KIAA1614: variants seen among roughly 807,000 people sequenced by gnomAD.
The protein encoded by KIAA1614 is KIAA1614.
In KIAA1614, 76 loss-of-function variants were observed where a neutral mutation model predicts 88.7. The ratio of observed to expected loss-of-function variants is 0.86; its 90% CI spans 0.71 to 1.04. KIAA1614 has a LOEUF of 1.04. KIAA1614 is among the 50% of genes least tolerant of loss of function. The pLI is 0.00. For missense variants in KIAA1614, 1,553 were observed against 1,582.5 expected, an observed-to-expected ratio of 0.98 and a Z score of 0.32; for synonymous variants, 714 against 675.5, an observed-to-expected ratio of 1.06 and a Z score of -0.88.
chr1:180,938,470 C>T, intron 5 of KIAA1614, 85 bp from the exon 6 acceptor site: 2 of 1,446,462 alleles, frequency 1.4e-6, no homozygotes, highest in South Asian at 1.3e-5. Context: ...CTCACCCTCC[C>T]CCTGTTGCTG....
Position 180,913,098 on chromosome 1 carries a change from G to A in KIAA1614, c.-146G>A, listed in dbSNP as rs976679105. On this transcript the variant is annotated 5_prime_UTR_variant, in exon 1 of 9. Coordinates refer to ENST00000367588, the MANE Select transcript of KIAA1614 (RefSeq NM_020950.2). ...CTGGCCCGGCCTCGGCGCCGTCCCG[G>A]ACCCCCAGTCGGCCGCGCCCCGAGG... The A allele has an allele frequency of 2.0e-6, 1 of 491,004 alleles. No homozygotes were observed. The highest frequency in any genetic ancestry group is 2.0e-5 in the African/African-American group (1 of 49,376). The allele number at this position is 491,004 out of a possible 1,614,324, so 30.4% of individuals were successfully genotyped here.
chr1:180,935,485 G>A lies in KIAA1614; in HGVS notation c.1576G>A (p.Ala526Thr). Residue 526 changes from alanine to threonine, a missense_variant, in exon 5 of 9, where the codon GCA becomes ACA. By Grantham distance (58) the Ala-to-Thr change is moderately conservative (BLOSUM62 0). Transcript: ENST00000367588. The surrounding 1 kb of genome is among the most constrained non-coding windows in gnomAD (Gnocchi z 6.1). ...CAGCCTGGACCGCAGGGGACACCCGGCACCGCCGGCACCGGGCAGCGAGAG... is the reference window on the plus strand; with the variant it reads ...CAGCCTGGACCGCAGGGGACACCCGACACCGCCGGCACCGGGCAGCGAGAG... ...VGSLDRRGHPAPPAPGSERRC... is the reference protein window; with the variant it reads ...VGSLDRRGHPTPPAPGSERRC... 1.3e-6 allele frequency: 2 copies of A among 1,483,648 alleles called. No individual in the cohort carries two copies. The highest frequency in any genetic ancestry group is 1.8e-6 in the Non-Finnish European group (2 of 1,122,326). 91.9% of individuals were successfully genotyped at this position (1,483,648 alleles called of 1,614,324 possible). A position where few individuals can be genotyped will look rare whatever the true frequency, so the allele number is the denominator to read the frequency against.
chr1:180,921,318 T>C (rs1461147496), intron 3 of KIAA1614, among the ~76,000 whole-genome samples: 1 of 152,188 alleles, frequency 6.6e-6, no homozygotes, highest in Non-Finnish European at 1.5e-5. Flanking sequence ...CATTTTCACT[T>C]CTTTTGTGAT....
chr1:180,924,952 C>T (rs1654036774), intron 3 of KIAA1614, among the ~76,000 whole-genome samples: 1 of 146,350 alleles, frequency 6.8e-6, no homozygotes, highest in Admixed American at 6.9e-5. Flanking sequence ...CAGCTCTGTG[C>T]TAATCTCTTT....
rs1254685984 is a variant in KIAA1614, at chr1:180,947,858, T to A, written c.*2270T>A. On this transcript the variant is annotated 3_prime_UTR_variant, in exon 9 of 9. Coordinates refer to ENST00000367588, the MANE Select transcript of KIAA1614 (RefSeq NM_020950.2). ...GGCCTAGCATTTTTCTTCCCTCCCC[T>A]TCAGAAAGAGAAAGTCTGGGGAAGA... is the stretch of plus-strand genomic sequence containing the variant. The A allele has an allele frequency of 1.3e-5, 2 of 152,224 alleles. No homozygotes were observed. The highest frequency in any genetic ancestry group is 2.4e-5 in the African/African-American group (1 of 41,428). 9.4% of individuals were successfully genotyped at this position (152,224 alleles called of 1,614,324 possible).
chr1:180,913,945 G>A (rs1653719796), intron 1 of KIAA1614: 1 of 151,932 alleles, frequency 6.6e-6, no homozygotes, highest in South Asian at 2.1e-4. Context: ...CTTAAAACTG[G>A]TGTGACATTT....
chr1:180,927,272 T>C (rs1654088652), intron 3 of KIAA1614, among the ~76,000 whole-genome samples: 1 of 152,052 alleles, frequency 6.6e-6, no homozygotes, highest in Non-Finnish European at 1.5e-5. Context: ...CAGCCCAGCA[T>C]ATGTGACGGC....
rs1654114432 is a variant in KIAA1614, at chr1:180,928,349, G to A, written c.1062-81G>A. On this transcript the variant is annotated intron_variant, in intron 3 of 8. Transcript: ENST00000367588. ...GCTTTTTCTGGCACAGCCAGTGCTT[G>A]ACACTGCTAAAGCCCTCCTAATCTG... 2.9e-6 allele frequency: 4 copies of A among 1,396,746 alleles called. No individual in the cohort carries two copies. In the South Asian group the frequency reaches 4.9e-5, roughly 17 times the overall value. The allele number at this position is 1,396,746 out of a possible 1,614,324, so 86.5% of individuals were successfully genotyped here. A position where few individuals can be genotyped will look rare whatever the true frequency, so the allele number is the denominator to read the frequency against.
At chr1:180,930,309 C>T (rs1654169895) in intron 4 of KIAA1614, among the ~76,000 whole-genome samples, 1 of 152,022 alleles carries the variant, frequency 6.6e-6, no homozygotes, top group Non-Finnish European at 1.5e-5. Context: ...GTCCCAGCTA[C>T]TTGGGAGGCT....
chr1:180,918,461 G>A (rs1653871377), intron 3 of KIAA1614, among the ~76,000 whole-genome samples: 1 of 152,216 alleles, frequency 6.6e-6, no homozygotes, highest in South Asian at 2.1e-4. Flanking sequence ...CCAAGGTGTA[G>A]CGGGGGAATT....
chr1:180,917,142 A>T, intron 2 of KIAA1614, 42 bp downstream of exon 2: 1 of 1,527,614 alleles, frequency 6.5e-7, no homozygotes, highest in Non-Finnish European at 9.0e-7. Context: ...GGGGAGCAGG[A>T]GGGAATCCAG....
chr1:180,941,179 G>A lies in KIAA1614; in HGVS notation c.3053G>A (p.Arg1018Gln), dbSNP rs770418591. 59 of 1,613,792 alleles carry A rather than the reference G, an allele frequency of 3.7e-5. No homozygotes were observed. Among genetic ancestry groups the A allele is most frequent in the Middle Eastern group, 1.7e-4 (1 of 6,048 alleles). ...TTCTCAGCCCTGGGCCAGAGTTCCC[G>A]GCCCAAGCTGGGCAAGTCCCGCAGC... Reference protein sequence around the residue: ...KLFSALGQSSRPKLGKSRSYS... With the variant: ...KLFSALGQSSQPKLGKSRSYS... The change falls in exon 7 of 9, where the codon CGG (arginine) becomes CAG (glutamine). Residue 1018 changes from arginine (R) to glutamine (Q), a missense_variant. Arg to Gln is a conservative substitution (Grantham distance 43, BLOSUM62 1). Transcript: ENST00000367588.
chr1:180,916,508 G>A lies in KIAA1614; in HGVS notation c.405G>A (p.Leu135=), dbSNP rs1206941019. ...RAGTPSEGSF[L]PGAVVAPRTQ... ...GGACTCCATCAGAGGGGTCTTTCCT[G>A]CCAGGTGCTGTGGTGGCTCCTCGTA... is the stretch of plus-strand genomic sequence containing the variant. Residue 135 remains leucine (L), a synonymous_variant, in exon 2 of 9, where the codon CTG becomes CTA. Coordinates refer to ENST00000367588, the MANE Select transcript of KIAA1614 (RefSeq NM_020950.2). The A allele has an allele frequency of 6.2e-7, 1 of 1,614,074 alleles. No individual in the cohort carries two copies. Among genetic ancestry groups the A allele is most frequent in the Non-Finnish European group, 8.5e-7 (1 of 1,180,036 alleles).
Position 180,935,564 on chromosome 1 carries a change from A to G in KIAA1614, c.1655A>G (p.Lys552Arg). 1.9e-6 allele frequency: 3 copies of G among 1,601,928 alleles called. No homozygotes were observed. Among genetic ancestry groups the G allele is most frequent in the Non-Finnish European group, 2.6e-6 (3 of 1,174,566 alleles). ...CIDDPRPAQG[K>R]APPVPRTLQE... ...GACGACCCGCGCCCCGCCCAGGGGA[A>G]GGCGCCCCCCGTCCCCAGGACCCTC... is the stretch of plus-strand genomic sequence containing the variant. The change falls in exon 5 of 9, where the codon AAG (lysine) becomes AGG (arginine). Residue 552 changes from lysine (K) to arginine (R), a missense_variant. Lys to Arg is a conservative substitution (Grantham distance 26). Transcript: ENST00000367588. The surrounding 1 kb of genome is among the most constrained non-coding windows in gnomAD (Gnocchi z 6.1).
intron 1 of KIAA1614, 94 bp from the exon 2 acceptor site, chr1:180,916,060 C>T: frequency 1.2e-6 from 1 of 802,898 alleles, no homozygotes; most frequent in Non-Finnish European, 1.9e-6. Flanking sequence ...TTCATCTGGA[C>T]AGGACTCAAC....
chr1:180,932,181 T>C (rs543746643), intron 4 of KIAA1614, among the ~76,000 whole-genome samples: 1 of 152,058 alleles, frequency 6.6e-6, no homozygotes, highest in South Asian at 2.1e-4. Flanking sequence ...ATCACCACCA[T>C]AGTTATTAAT....
chr1:180,928,312 T>A, intron 3 of KIAA1614, 118 bp from the exon 4 acceptor site: 1 of 1,221,902 alleles, frequency 8.2e-7, no homozygotes, highest in Non-Finnish European at 1.1e-6. Context: ...GGAGGAAGGC[T>A]GCACATGCAG....
intron 7 of KIAA1614, among the ~76,000 whole-genome samples, chr1:180,941,990 T>A (rs1329608607): frequency 6.6e-6 from 1 of 152,178 alleles, no homozygotes; most frequent in Non-Finnish European, 1.5e-5. Context: ...ATCCATCTAC[T>A]GCAGGCACAC....
Position 180,916,689 on chromosome 1 carries a change from G to A in KIAA1614, c.586G>A (p.Asp196Asn), listed in dbSNP as rs988009643. ...WPPEAEWTLP[D>N]HDRGPLLGPS... Reference sequence around the variant, plus strand: ...TCCAGAAGCCGAATGGACACTTCCTGACCATGACAGAGGTCCGCTGCTGGG... The same window carrying A: ...TCCAGAAGCCGAATGGACACTTCCTAACCATGACAGAGGTCCGCTGCTGGG... The change falls in exon 2 of 9, where the codon GAC becomes AAC. Residue 196 changes from aspartate to asparagine, a missense_variant. Transcript: ENST00000367588. The A allele has an allele frequency of 6.2e-7, 1 of 1,610,200 alleles. No homozygotes were observed.
Sources: allele counts gnomAD v4.1 joint callset (sites outside exome capture counted in the v4.1 genomes callset), GRCh38; gene constraint gnomAD v4.1.1; non-coding constraint Gnocchi (gnomAD v3.1); transcripts MANE v1.5; gene names NCBI Gene and HGNC (gene_info 2026-07-23, HGNC 2026-07-21).